The following LTBP1 variants were observed in gnomAD, a reference collection of about 807,000 sequenced individuals.
LTBP1 encodes latent transforming growth factor beta binding protein 1.
In LTBP1, 129 loss-of-function variants were observed where a neutral mutation model predicts 207.6. The ratio of observed to expected loss-of-function variants is 0.62; its 90% confidence interval spans 0.54 to 0.72. LTBP1 has a LOEUF of 0.72. LTBP1 is among the 30% of genes least tolerant of loss of function. The pLI, the probability that LTBP1 is intolerant of heterozygous loss-of-function variation, is 0.00. For synonymous variants in LTBP1, 963 were observed against 833.7 expected, an observed-to-expected ratio of 1.16 and a Z score of -2.67; for missense variants, 2,281 against 2,217.2, an observed-to-expected ratio of 1.03 and a Z score of -0.58.
chr2:33,354,899 C>T (rs2094837658), intron 26 of LTBP1, among the ~76,000 whole-genome samples: 1 of 152,132 alleles, frequency 6.6e-6, no homozygotes, highest in South Asian at 2.1e-4. Context: ...CGCCACCATG[C>T]ACAGCTCGTT....
At chr2:33,014,263 T>A (rs77677118) in intron 2 of LTBP1, among the ~76,000 whole-genome samples, 1 of 151,966 alleles carries the variant, frequency 6.6e-6, no homozygotes, top group South Asian at 2.1e-4. Flanking sequence ...GTTATGCTAA[T>A]TTTTTTTTCT....
chr2:33,235,179 A>G (rs947427766), intron 9 of LTBP1, among the ~76,000 whole-genome samples: 3 of 152,248 alleles, frequency 2.0e-5, no homozygotes, highest in Non-Finnish European at 4.4e-5. Flanking sequence ...TCCAGAATCT[A>G]CAAAGAACTT....
chr2:33,223,776 T>G (rs557767396), intron 9 of LTBP1, among the ~76,000 whole-genome samples: 156 of 152,304 alleles, frequency 1.0e-3, no homozygotes, highest in African/African-American at 3.7e-3. Context: ...ATTATTGTCT[T>G]TTGGTTAATA....
chr2:33,006,221 C>A (rs1686844559), intron 2 of LTBP1, among the ~76,000 whole-genome samples: 1 of 152,050 alleles, frequency 6.6e-6, no homozygotes, highest in Non-Finnish European at 1.5e-5. Flanking sequence ...CTGCACCTGG[C>A]CTGCTCTTAA....
chr2:33,217,885 A>T (rs1011966971), intron 8 of LTBP1, among the ~76,000 whole-genome samples: 1 of 152,218 alleles, frequency 6.6e-6, no homozygotes, highest in African/African-American at 2.4e-5. Flanking sequence ...TGGATTACTT[A>T]TGGGGAAAAA....
intron 5 of LTBP1, among the ~76,000 whole-genome samples, chr2:33,152,359 C>T (rs1474746949): frequency 1.3e-5 from 2 of 152,172 alleles, no homozygotes; most frequent in Non-Finnish European, 2.9e-5. Flanking sequence ...ATCAAAACTA[C>T]AGTGCGATAC....
At chr2:33,079,375 A>G (rs985787028) in intron 3 of LTBP1, among the ~76,000 whole-genome samples, 1 of 152,202 alleles carries the variant, frequency 6.6e-6, no homozygotes, top group Non-Finnish European at 1.5e-5. Context: ...TTCCAGCTGT[A>G]TTGCACTAAA....
At chr2:33,295,703 T>C (rs1472592765) in intron 20 of LTBP1, among the ~76,000 whole-genome samples, 1 of 152,230 alleles carries the variant, frequency 6.6e-6, no homozygotes, top group Non-Finnish European at 1.5e-5. Context: ...TGCTTACTTT[T>C]ACATCTAAAA....
intron 9 of LTBP1, among the ~76,000 whole-genome samples, chr2:33,242,302 A>T (rs899406413): frequency 6.6e-6 from 1 of 152,192 alleles, no homozygotes; most frequent in African/African-American, 2.4e-5. Flanking sequence ...TTACCTTTGC[A>T]AGTGACTATA....
intron 30 of LTBP1, among the ~76,000 whole-genome samples, 167 bp from the exon 31 acceptor site, chr2:33,365,166 G>C (rs1218990893): frequency 6.6e-6 from 1 of 152,174 alleles, no homozygotes; most frequent in Non-Finnish European, 1.5e-5. Context: ...CCCAGTTGGA[G>C]ATGACAGAGA....
At chr2:33,182,403 C>G (rs1459898800) in intron 5 of LTBP1, among the ~76,000 whole-genome samples, 1 of 151,890 alleles carries the variant, frequency 6.6e-6, no homozygotes, top group Non-Finnish European at 1.5e-5. Context: ...TGGCTCACAC[C>G]TGTAATCTCA....
chr2:32,996,745 A>G (rs899433703), intron 2 of LTBP1, among the ~76,000 whole-genome samples: 7 of 152,118 alleles, frequency 4.6e-5, no homozygotes, highest in Non-Finnish European at 5.9e-5. Flanking sequence ...GAGGCTCCAG[A>G]GGTTTATGTG....
At chr2:33,076,987 A>G (rs2078119886) in intron 3 of LTBP1, among the ~76,000 whole-genome samples, 1 of 152,184 alleles carries the variant, frequency 6.6e-6, no homozygotes, top group African/African-American at 2.4e-5. Flanking sequence ...GTTAGGAAAG[A>G]TGAATTTTCG....
intron 3 of LTBP1, among the ~76,000 whole-genome samples, chr2:33,055,218 C>T (rs1388482396): frequency 6.6e-6 from 1 of 152,180 alleles, no homozygotes. Flanking sequence ...GAGCTTTCTC[C>T]TGATATCTGT....
At chr2:32,986,532 C>T (rs933963113) in intron 2 of LTBP1, among the ~76,000 whole-genome samples, 2 of 152,176 alleles carry the variant, frequency 1.3e-5, no homozygotes, top group Admixed American at 6.5e-5. Context: ...ACATCATTTG[C>T]AGGGCTCAGT....
At chr2:33,315,697 A>G (rs2094259900) in intron 24 of LTBP1, among the ~76,000 whole-genome samples, 2 of 152,176 alleles carry the variant, frequency 1.3e-5, no homozygotes, top group African/African-American at 4.8e-5. Context: ...GCACTTTTGG[A>G]GGCCCAGGCA....
intron 2 of LTBP1, among the ~76,000 whole-genome samples, chr2:32,964,726 C>T (rs12470480): frequency 0.066 from 9,957 of 151,908 alleles, 582 homozygotes; most frequent in East Asian, 0.24. Context: ...GTATTTGTAA[C>T]ATTAAAAAAA....
intron 26 of LTBP1, among the ~76,000 whole-genome samples, chr2:33,355,538 G>T (rs1435952970): frequency 2.9e-4 from 44 of 151,638 alleles, no homozygotes; most frequent in African/African-American, 2.4e-5. Flanking sequence ...AAATATTTTT[G>T]ATCTGCAATT....
chr2:33,004,815 A>ATATATATATATAT (rs1558501551), intron 2 of LTBP1, among the ~76,000 whole-genome samples: 1 of 143,626 alleles, frequency 7.0e-6, no homozygotes, highest in Non-Finnish European at 1.5e-5. Flanking sequence ...ATATATATAT[A>ATATATATATATAT]AACATAAAAT....
Sources: gnomAD v4.1 joint callset for allele counts (sites outside exome capture counted in the v4.1 genomes callset) on GRCh38, gnomAD v4.1.1 for gene constraint, MANE v1.5 for transcripts, NCBI Gene and HGNC (gene_info 2026-07-23, HGNC 2026-07-21) for gene names.